HSPG2: variants seen among roughly 807,000 people sequenced by gnomAD.
HSPG2 encodes basement membrane-specific heparan sulfate proteoglycan core protein.
HSPG2 carries 278 observed loss-of-function variants against 526.6 expected under a neutral mutation model. The ratio of observed to expected loss-of-function variants is 0.53; its 90% CI spans 0.48 to 0.58. The LOEUF (loss-of-function observed/expected upper bound fraction) is 0.58, where lower values mean the gene tolerates loss of function less well. Ranked by LOEUF, HSPG2 falls within the 20% of genes least tolerant of loss-of-function variation. The pLI is 0.00. For missense variants in HSPG2, 5,354 were observed against 6,099.5 expected, an observed-to-expected ratio of 0.88 and a Z score of 4.07; for synonymous variants, 2,465 against 2,555.4, an observed-to-expected ratio of 0.96 and a Z score of 1.07.
chr1:21,830,408 CG>C, intron 85 of HSPG2: 1 of 387,718 alleles, frequency 2.6e-6, no homozygotes, highest in Non-Finnish European at 4.8e-6. Context: ...GACTGGGGGC[CG>C]GGCGTGGGGG....
Position 21,855,342 on chromosome 1 carries a change from T to C in HSPG2, c.5959A>G (p.Ile1987Val), listed in dbSNP as rs769161883. 4.3e-6 allele frequency: 7 copies of C among 1,609,644 alleles called. No homozygotes were observed. The East Asian group carries it at 1.1e-4, about 26-fold the overall frequency. ...CRAAGVPSAT[I>V]TWRKEGGSLP... is the part of the protein sequence containing the mutation. The stretch of plus-strand genomic sequence containing the variant: ...CTGCCCCCTTCCTTCCTCCAGGTGA[T>C]GGTGGCGCTAGGCACGCCTGCAGCC... Residue 1987 changes from isoleucine (I) to valine (V), a missense_variant, in exon 47 of 97, where the codon ATC becomes GTC. Physicochemically the swap from Ile to Val is conservative, Grantham distance 29 (BLOSUM62 3). Coordinates refer to ENST00000374695, the MANE Select transcript of HSPG2 (RefSeq NM_005529.7).
chr1:21,917,937 C>T (rs1258454566), intron 1 of HSPG2, among the ~76,000 whole-genome samples: 2 of 152,136 alleles, frequency 1.3e-5, no homozygotes, highest in African/African-American at 2.4e-5. Context: ...GGGACAGACA[C>T]CAAGTTTTTT....
chr1:21,915,329 T>C (rs1226164197), intron 1 of HSPG2, among the ~76,000 whole-genome samples: 1 of 152,250 alleles, frequency 6.6e-6, no homozygotes, highest in East Asian at 1.9e-4. Context: ...GAATGGGTAG[T>C]GGGAATTTCG....
Position 21,890,030 on chromosome 1 carries a change from G to C in HSPG2, c.525C>G (p.Ala175=), listed in dbSNP as rs776675101. The C allele has an allele frequency of 1.2e-6, 2 of 1,614,100 alleles. No individual in the cohort carries two copies. The highest frequency in any genetic ancestry group is 2.2e-5 in the South Asian group (2 of 91,082). The change falls in exon 6 of 97, where the codon GCC becomes GCG. Residue 175 remains alanine, a synonymous_variant. Coordinates refer to ENST00000374695, the MANE Select transcript of HSPG2 (RefSeq NM_005529.7). The surrounding 1 kb of genome is among the most constrained non-coding windows in gnomAD (Gnocchi z 4.1). ...LLRVISSGSV[A]SYVTSPQGFQ... is the part of the protein sequence containing the mutation. ...ATCCCTGGGGAGAGGTGACGTAGGA[G>C]GCCACAGAGCCGCTGGAGATGACCC...
At chr1:21,920,977 C>G (rs532273942) in intron 1 of HSPG2, among the ~76,000 whole-genome samples, 3 of 152,206 alleles carry the variant, frequency 2.0e-5, no homozygotes, top group Non-Finnish European at 4.4e-5. Context: ...TCATCCCCAA[C>G]GGCCATTGTC....
In HSPG2 at chr1:21,885,454, G is replaced by A. The variant is rs368605493; in HGVS notation, c.1079-3C>T. ...CACTTCCTCAGGACGCTTGGTGGCTGGGGACAAAGCCAGGTGGTTCCCAAT... is the reference window on the plus strand; with the variant it reads ...CACTTCCTCAGGACGCTTGGTGGCTAGGGACAAAGCCAGGTGGTTCCCAAT... On this transcript the variant is annotated splice_polypyrimidine_tract_variant and splice_region_variant and intron_variant, in intron 9 of 96. Coordinates refer to ENST00000374695, the MANE Select transcript of HSPG2 (RefSeq NM_005529.7). 1 of 1,613,764 alleles carries A rather than the reference G, an allele frequency of 6.2e-7. No homozygotes were observed. Among genetic ancestry groups the A allele is most frequent in the Non-Finnish European group, 8.5e-7 (1 of 1,179,972 alleles).
chr1:21,899,459 T>C (rs1436564114), intron 1 of HSPG2, among the ~76,000 whole-genome samples: 5 of 152,094 alleles, frequency 3.3e-5, no homozygotes, highest in Non-Finnish European at 5.9e-5. Context: ...ATAGGTCTTA[T>C]GGGGCTCCAC....
Position 21,865,608 on chromosome 1 carries a change from G to T in HSPG2, c.4314+109C>A. The T allele has an allele frequency of 9.7e-7, 1 of 1,026,342 alleles. No homozygotes were observed. Among genetic ancestry groups the T allele is most frequent in the Non-Finnish European group, 1.5e-6 (1 of 649,272 alleles). The allele number at this position is 1,026,342 out of a possible 1,614,324, so 63.6% of individuals were successfully genotyped here. A position where few individuals can be genotyped will look rare whatever the true frequency, so the allele number is the denominator to read the frequency against. ...GGCATGGGCCTAACTCCCCCAGCCT[G>T]TGCCAGAAAACTGAGTGCTGGATGG... On this transcript the variant is annotated intron_variant, in intron 34 of 96. Coordinates refer to ENST00000374695, the MANE Select transcript of HSPG2 (RefSeq NM_005529.7). The surrounding 1 kb of genome is among the most constrained non-coding windows in gnomAD (Gnocchi z 5.4).
At position 21,888,743 on chromosome 1, in the gene HSPG2, G is replaced by C. The variant is rs775997996; in HGVS notation, c.575-677C>G. On this transcript the variant is annotated intron_variant, in intron 6 of 96. Transcript: ENST00000374695. ...GCTGGAAAGGAAGATGTGATCAGTG[G>C]CTGTTCCACCTGGGAGCCGGGAGCT... 2.2e-6 allele frequency: 3 copies of C among 1,359,046 alleles called. No individual in the cohort carries two copies. The Admixed American group carries it at 5.8e-5, about 26-fold the overall frequency. The allele number at this position is 1,359,046 out of a possible 1,614,324, so 84.2% of individuals were successfully genotyped here. A position where few individuals can be genotyped will look rare whatever the true frequency, so the allele number is the denominator to read the frequency against.
intron 3 of HSPG2, among the ~76,000 whole-genome samples, chr1:21,894,793 C>G (rs1235058448): frequency 2.6e-5 from 4 of 152,138 alleles, no homozygotes; most frequent in Non-Finnish European, 4.4e-5. Flanking sequence ...ATAGGCCATT[C>G]CAGGACGGGA....
intron 1 of HSPG2, among the ~76,000 whole-genome samples, chr1:21,922,598 T>C (rs554024991): frequency 9.1e-4 from 139 of 152,264 alleles, no homozygotes; most frequent in African/African-American, 3.2e-3. Context: ...TTCTAGTACC[T>C]GTCAGGGCAC....
intron 1 of HSPG2, among the ~76,000 whole-genome samples, chr1:21,911,116 G>T (rs1185595378): frequency 6.6e-6 from 1 of 152,190 alleles, no homozygotes; most frequent in Non-Finnish European, 1.5e-5. Context: ...CTCTGAATCA[G>T]TTTTCTCTTC....
intron 33 of HSPG2, chr1:21,869,543 G>A (rs890087564): frequency 1.6e-4 from 160 of 987,284 alleles, no homozygotes; most frequent in South Asian, 2.3e-4. Context: ...GGTGCTGCTC[G>A]CAGAGCAGCT....
In HSPG2 at chr1:21,841,273, A is replaced by G. The variant is rs747810927; in HGVS notation, c.9341T>C (p.Val3114Ala). Residue 3114 changes from valine to alanine, a missense_variant, in exon 71 of 97, where the codon GTG (valine) becomes GCG (alanine). By Grantham distance (64) the Val-to-Ala change is moderately conservative. Coordinates refer to ENST00000374695, the MANE Select transcript of HSPG2 (RefSeq NM_005529.7). Reference sequence around the variant, plus strand: ...CACGGGGCCCTCGGGGAGCACGGACACTGTAGGGGGCCCTGTGCGGAGGAA... The same window carrying G: ...CACGGGGCCCTCGGGGAGCACGGACGCTGTAGGGGGCCCTGTGCGGAGGAA... The part of the protein sequence containing the change: ...VNLSVHGPPT[V>A]SVLPEGPVWV... The G allele has an allele frequency of 1.9e-6, 3 of 1,613,630 alleles. No homozygotes were observed. In the South Asian group the frequency reaches 3.3e-5, roughly 18 times the overall value.
intron 25 of HSPG2, among the ~76,000 whole-genome samples, chr1:21,875,360 A>G (rs1640968273): frequency 6.6e-6 from 1 of 152,028 alleles, no homozygotes; most frequent in Non-Finnish European, 1.5e-5. Context: ...CTTGACCTGA[A>G]ACCATATCCC....
chr1:21,856,913 G>T, intron 44 of HSPG2, 102 bp downstream of exon 44: 1 of 1,251,420 alleles, frequency 8.0e-7, no homozygotes. Flanking sequence ...GCATGCAGCA[G>T]GTGCTCAGAA....
chr1:21,843,911 T>C (rs1342425783), intron 65 of HSPG2, among the ~76,000 whole-genome samples: 3 of 152,164 alleles, frequency 2.0e-5, no homozygotes, highest in African/African-American at 7.2e-5. Flanking sequence ...GCTGGGATTA[T>C]AGACATGAGC....
At position 21,872,885 on chromosome 1, in the gene HSPG2, G is replaced by T; in HGVS notation, c.3888+112C>A. 6.5e-7 allele frequency: 1 copy of T among 1,532,644 alleles called. No homozygotes were observed. Among genetic ancestry groups the T allele is most frequent in the Non-Finnish European group, 9.0e-7 (1 of 1,108,078 alleles). The allele number at this position is 1,532,644 out of a possible 1,614,324, so 94.9% of individuals were successfully genotyped here. ...GGGCAGCCCCTGCCCTGTCCCCCAT[G>T]CCCTGCCCCCCATGCCCAGGTCTCG... On this transcript the variant is annotated intron_variant, in intron 31 of 96. Coordinates refer to ENST00000374695, the MANE Select transcript of HSPG2 (RefSeq NM_005529.7). The surrounding 1 kb of genome is among the most constrained non-coding windows in gnomAD (Gnocchi z 5.5).
intron 1 of HSPG2, among the ~76,000 whole-genome samples, chr1:21,921,966 T>C (rs1261763155): frequency 6.6e-6 from 1 of 152,122 alleles, no homozygotes; most frequent in Non-Finnish European, 1.5e-5. Context: ...GGATGGACTC[T>C]GGGACTTAGG....
Sources: allele counts gnomAD v4.1 joint callset (sites outside exome capture counted in the v4.1 genomes callset), GRCh38; gene constraint gnomAD v4.1.1; non-coding constraint Gnocchi (gnomAD v3.1); transcripts MANE v1.5; gene names NCBI Gene and HGNC (gene_info 2026-07-23, HGNC 2026-07-21).